Variants in SORCS3 observed in about 807,000 individuals in gnomAD.
SORCS3 encodes sortilin related VPS10 domain containing receptor 3, also known as VPS10 domain-containing receptor SorCS3.
A neutral mutation model predicts 146.3 loss-of-function variants in SORCS3; 57 were observed. The ratio of observed to expected loss-of-function variants is 0.39; its 90% CI spans 0.31 to 0.49. SORCS3 has a LOEUF of 0.49. Ranked by LOEUF, SORCS3 falls within the 20% of genes least tolerant of loss-of-function variation. The probability of loss-of-function intolerance (pLI) is 0.92; values close to 1 mark genes in which losing one functional copy is unlikely to be tolerated. For synonymous variants in SORCS3, 653 were observed against 618.5 expected, an observed-to-expected ratio of 1.06 and a Z score of -0.83; for missense variants, 1,341 against 1,575.5, an observed-to-expected ratio of 0.85 and a Z score of 2.52.
At chr10:104,975,172 G>A (rs930512799) in intron 3 of SORCS3, among the ~76,000 whole-genome samples, 7 of 152,066 alleles carry the variant, frequency 4.6e-5, no homozygotes, top group Non-Finnish European at 8.8e-5. Context: ...CATTGTCTCA[G>A]CCCAAAATCT....
intron 1 of SORCS3, among the ~76,000 whole-genome samples, chr10:104,841,013 A>C (rs375536372): frequency 1.7e-4 from 26 of 152,272 alleles, no homozygotes; most frequent in African/African-American, 6.3e-4. Flanking sequence ...TTGGTACATG[A>C]AATAAGGTCA....
intron 1 of SORCS3, among the ~76,000 whole-genome samples, chr10:104,728,434 G>A (rs1438177703): frequency 6.6e-6 from 1 of 152,156 alleles, no homozygotes; most frequent in African/African-American, 2.4e-5. Flanking sequence ...AATTAACTTG[G>A]TTTATGGTTG....
At chr10:104,771,035 T>C (rs2017243452) in intron 1 of SORCS3, among the ~76,000 whole-genome samples, 1 of 152,214 alleles carries the variant, frequency 6.6e-6, no homozygotes, top group Admixed American at 6.5e-5. Flanking sequence ...TTCATCTCAG[T>C]TCAGACTGGC....
intron 2 of SORCS3, among the ~76,000 whole-genome samples, chr10:104,883,066 C>T (rs1452166894): frequency 6.6e-6 from 1 of 152,164 alleles, no homozygotes. Context: ...GGAGTAGGAG[C>T]TTCATTTTTT....
chr10:105,217,150 C>A (rs374035285), intron 19 of SORCS3, 28 bp downstream of exon 19: 1,301 of 1,610,198 alleles, frequency 8.1e-4, no homozygotes, highest in Non-Finnish European at 1.0e-3. Context: ...TCCCCGTTTT[C>A]CCTTTGTTCC....
intron 7 of SORCS3, among the ~76,000 whole-genome samples, chr10:105,130,987 C>A (rs891944278): frequency 5.9e-5 from 9 of 152,096 alleles, no homozygotes; most frequent in African/African-American, 2.2e-4. Context: ...ATGGCAGAAG[C>A]AACTAATTCA....
chr10:104,642,022 G>GGGGGCGGGCC, intron 1 of SORCS3, 68 bp downstream of exon 1: 1 of 173,336 alleles, frequency 5.8e-6, no homozygotes. Context: ...GGGTGGGTGG[G>GGGGGCGGGCC]AGCGAGGGAC....
At chr10:104,782,305 G>A (rs1002641881) in intron 1 of SORCS3, among the ~76,000 whole-genome samples, 8 of 152,132 alleles carry the variant, frequency 5.3e-5, no homozygotes, top group Non-Finnish European at 1.0e-4. Context: ...TGAGCCTGCT[G>A]TTCATTTCAG....
At position 105,009,741 on chromosome 10, in the gene SORCS3, T is replaced by G. The variant is rs1290822928; in HGVS notation, c.954+32248T>G. 6.5e-4 allele frequency among the ~76,000 whole-genome samples: 90 copies of G among 137,526 alleles called. 1 individual carries two copies. Among genetic ancestry groups the G allele is most frequent in the Non-Finnish European group, 3.3e-5 (2 of 60,386 alleles). 90.2% of individuals were successfully genotyped at this position (137,526 alleles called of 152,430 possible). A position where few individuals can be genotyped will look rare whatever the true frequency, so the allele number is the denominator to read the frequency against. On this transcript the variant is annotated intron_variant, in intron 4 of 26. Coordinates refer to ENST00000369701, the MANE Select transcript of SORCS3 (RefSeq NM_014978.3). ...TCAATAATTTTTTTCACTTTTTCAC[T>G]TTTTTTTTCATTTTTTTCAATAATT...
At chr10:105,213,915 T>G (rs1289964418) in intron 17 of SORCS3, among the ~76,000 whole-genome samples, 7 of 152,160 alleles carry the variant, frequency 4.6e-5, no homozygotes, top group Non-Finnish European at 7.4e-5. Context: ...AAAGGGCTAT[T>G]AGGCATTAGG....
intron 1 of SORCS3, among the ~76,000 whole-genome samples, chr10:104,787,166 A>G (rs543851453): frequency 2.6e-5 from 4 of 152,218 alleles, no homozygotes; most frequent in African/African-American, 9.6e-5. Context: ...TTGACTCATC[A>G]GTTGTGATCT....
At chr10:105,255,505 A>C (rs1297322937) in intron 23 of SORCS3, among the ~76,000 whole-genome samples, 197 bp from the exon 24 acceptor site, 1 of 152,216 alleles carries the variant, frequency 6.6e-6, no homozygotes, top group Non-Finnish European at 1.5e-5. Flanking sequence ...TGTATAGTTC[A>C]AGGGTCAACT....
At chr10:105,162,403 G>T (rs760786467) in intron 11 of SORCS3, among the ~76,000 whole-genome samples, 1 of 152,038 alleles carries the variant, frequency 6.6e-6, no homozygotes, top group African/African-American at 2.4e-5. Context: ...CACTCTAGCT[G>T]AGCTCCAATT....
chr10:104,827,499 G>A (rs145514680), intron 1 of SORCS3, among the ~76,000 whole-genome samples: 82 of 152,166 alleles, frequency 5.4e-4, no homozygotes, highest in African/African-American at 1.7e-3. Flanking sequence ...TCTCAACAGT[G>A]GGCTTAAAAT....
intron 3 of SORCS3, among the ~76,000 whole-genome samples, chr10:104,950,637 T>C (rs2019418938): frequency 6.6e-6 from 1 of 152,208 alleles, no homozygotes; most frequent in African/African-American, 2.4e-5. Context: ...AAATTTCATT[T>C]GAATAGAAGG....
intron 2 of SORCS3, among the ~76,000 whole-genome samples, chr10:104,893,928 T>C (rs1270802380): frequency 6.6e-6 from 1 of 152,180 alleles, no homozygotes; most frequent in Non-Finnish European, 1.5e-5. Flanking sequence ...ATCCTCCCTT[T>C]CTGCAACACT....
At chr10:105,041,272 T>C (rs2055336228) in intron 4 of SORCS3, among the ~76,000 whole-genome samples, 1 of 149,088 alleles carries the variant, frequency 6.7e-6, no homozygotes, top group Non-Finnish European at 1.5e-5. Flanking sequence ...TCTCCATGTG[T>C]GTGTGGGAAG....
intron 1 of SORCS3, among the ~76,000 whole-genome samples, chr10:104,657,327 A>C (rs1257581613): frequency 1.3e-5 from 2 of 152,190 alleles, no homozygotes; most frequent in African/African-American, 4.8e-5. Context: ...GATTGTTGTG[A>C]GAATAAGTGA....
chr10:104,962,176 T>C (rs907600034), intron 3 of SORCS3, among the ~76,000 whole-genome samples: 14 of 152,108 alleles, frequency 9.2e-5, no homozygotes, highest in Admixed American at 9.2e-4. Context: ...AAATGGGACT[T>C]GAAGGAAGGC....
Sources: gnomAD v4.1 joint callset for allele counts (sites outside exome capture counted in the v4.1 genomes callset) on GRCh38, gnomAD v4.1.1 for gene constraint, MANE v1.5 for transcripts, NCBI Gene and HGNC (gene_info 2026-07-23, HGNC 2026-07-21) for gene names.